IQCM: variants seen among roughly 807,000 people sequenced by gnomAD.
IQCM encodes IQ domain-containing protein M.
A neutral mutation model predicts 57.6 loss-of-function variants in IQCM; 45 were observed. The observed-to-expected ratio is 0.78, with a 90% CI of 0.62 to 1.00. The LOEUF (loss-of-function observed/expected upper bound fraction) is 1.00. Among genes scored for constraint, IQCM ranks in the 50% least tolerant of loss-of-function variants. The pLI is 0.00. For synonymous variants in IQCM, 148 were observed against 158.9 expected (o/e 0.93, Z 0.51); for missense variants, 468 against 511.6 (o/e 0.91, Z 0.82).
intron 12 of IQCM, among the ~76,000 whole-genome samples, chr4:149,518,161 C>T (rs1745186831): frequency 6.6e-6 from 1 of 152,112 alleles, no homozygotes; most frequent in African/African-American, 2.4e-5. Context: ...TTTCACCTAC[C>T]ATGAGGCTAA....
intron 12 of IQCM, among the ~76,000 whole-genome samples, chr4:149,506,300 C>T (rs1380638137): frequency 6.6e-6 from 1 of 152,202 alleles, no homozygotes; most frequent in African/African-American, 2.4e-5. Flanking sequence ...TCATCTACCT[C>T]TATTGCAAAA....
At chr4:149,707,988 T>A (rs938370927) in intron 5 of IQCM, among the ~76,000 whole-genome samples, 8 of 152,036 alleles carry the variant, frequency 5.3e-5, no homozygotes, top group Non-Finnish European at 1.2e-4. Flanking sequence ...TTTGCAATCT[T>A]CCTTCTTCCA....
intron 13 of IQCM, among the ~76,000 whole-genome samples, chr4:149,414,134 G>A (rs543905226): frequency 2.0e-4 from 31 of 152,196 alleles, no homozygotes; most frequent in Admixed American, 1.4e-3. Flanking sequence ...TTTTAAACCC[G>A]TCTTATTTAT....
At chr4:149,666,770 G>C (rs771828237) in intron 7 of IQCM, among the ~76,000 whole-genome samples, 2 of 152,094 alleles carry the variant, frequency 1.3e-5, no homozygotes, top group Non-Finnish European at 2.9e-5. Flanking sequence ...ACTGAGGCTT[G>C]AGTAGGCATT....
intron 11 of IQCM, among the ~76,000 whole-genome samples, chr4:149,551,952 T>G (rs760310915): frequency 3.9e-5 from 6 of 152,250 alleles, no homozygotes; most frequent in African/African-American, 1.4e-4. Flanking sequence ...ACTTTGCTGC[T>G]TTCTGCTCTT....
intron 7 of IQCM, among the ~76,000 whole-genome samples, chr4:149,627,145 G>A (rs990507897): frequency 6.6e-6 from 1 of 152,096 alleles, no homozygotes; most frequent in Non-Finnish European, 1.5e-5. Flanking sequence ...GCTGGGGAGG[G>A]CAGGTATTGA....
At chr4:149,476,618 A>C (rs1029104408) in intron 12 of IQCM, among the ~76,000 whole-genome samples, 18 of 152,124 alleles carry the variant, frequency 1.2e-4, no homozygotes, top group African/African-American at 3.1e-4. Flanking sequence ...GGAAAAAAAA[A>C]CCATTATCTT....
At chr4:149,683,481 T>C (rs1190546728) in intron 6 of IQCM, among the ~76,000 whole-genome samples, 2 of 151,362 alleles carry the variant, frequency 1.3e-5, no homozygotes, top group Admixed American at 1.3e-4. Flanking sequence ...GATCTATTAA[T>C]TTGACTGTCA....
intron 12 of IQCM, among the ~76,000 whole-genome samples, chr4:149,543,062 G>GA (rs59313060): frequency 1.1e-4 from 17 of 148,592 alleles, no homozygotes; most frequent in East Asian, 3.9e-4. Context: ...CTGTTAATTT[G>GA]AAAAAAAAAT....
chr4:149,491,139 G>GA (rs1553979383), intron 12 of IQCM, among the ~76,000 whole-genome samples: 1 of 151,942 alleles, frequency 6.6e-6, no homozygotes, highest in Non-Finnish European at 1.5e-5. Flanking sequence ...CCATGTTGGA[G>GA]TTTTTTAACA....
intron 8 of IQCM, among the ~76,000 whole-genome samples, chr4:149,606,063 G>A (rs1377447031): frequency 6.6e-6 from 1 of 152,130 alleles, no homozygotes; most frequent in Non-Finnish European, 1.5e-5. Context: ...TGACTAAAAT[G>A]GCATTGAGCC....
intron 5 of IQCM, among the ~76,000 whole-genome samples, chr4:149,689,379 G>C (rs1307086732): frequency 6.6e-6 from 1 of 151,892 alleles, no homozygotes; most frequent in African/African-American, 2.4e-5. Context: ...TGGACACAGA[G>C]AGGGGAACAT....
chr4:149,731,720 A>G (rs1766476455), intron 5 of IQCM, among the ~76,000 whole-genome samples: 2 of 150,938 alleles, frequency 1.3e-5, no homozygotes, highest in Admixed American at 6.6e-5. Context: ...TATAATGTGG[A>G]AAAAAAATGG....
intron 2 of IQCM, among the ~76,000 whole-genome samples, chr4:149,760,449 C>A (rs1024069060): frequency 6.6e-6 from 1 of 151,898 alleles, no homozygotes; most frequent in Non-Finnish European, 1.5e-5. Flanking sequence ...CTTAATTGTC[C>A]TTTTATACAT....
intron 13 of IQCM, among the ~76,000 whole-genome samples, chr4:149,379,617 C>A (rs1730940005): frequency 6.6e-6 from 1 of 152,138 alleles, no homozygotes; most frequent in Non-Finnish European, 1.5e-5. Context: ...ATGCCTCTAC[C>A]CCCATTTTAT....
At chr4:149,362,863 GA>G (rs1454436523) in intron 13 of IQCM, among the ~76,000 whole-genome samples, 1 of 152,152 alleles carries the variant, frequency 6.6e-6, no homozygotes, top group Admixed American at 6.6e-5. Context: ...ACTTCTTGGG[GA>G]AAAACTTTTA....
intron 12 of IQCM, among the ~76,000 whole-genome samples, chr4:149,448,113 G>T (rs1736708941): frequency 6.6e-6 from 1 of 151,570 alleles, no homozygotes; most frequent in Non-Finnish European, 1.5e-5. Context: ...TTCCATGATT[G>T]ATTAAATTTT....
chr4:149,364,972 A>T (rs919379433), intron 13 of IQCM, among the ~76,000 whole-genome samples: 1 of 151,586 alleles, frequency 6.6e-6, no homozygotes, highest in African/African-American at 2.4e-5. Flanking sequence ...CAGATGGATT[A>T]TATATATATA....
At chr4:149,774,371 C>T (rs1405559613) in intron 2 of IQCM, among the ~76,000 whole-genome samples, 1 of 152,122 alleles carries the variant, frequency 6.6e-6, no homozygotes, top group Non-Finnish European at 1.5e-5. Flanking sequence ...AATTTGCAAA[C>T]CTACAGCAGC....
Sources: allele counts gnomAD v4.1 joint callset (sites outside exome capture counted in the v4.1 genomes callset), GRCh38; gene constraint gnomAD v4.1.1; transcripts MANE v1.5; gene names NCBI Gene and HGNC (gene_info 2026-07-23, HGNC 2026-07-21).